Variants in PLB1 observed in about 807,000 individuals in gnomAD.
The protein encoded by PLB1 is phospholipase B1, membrane-associated.
In PLB1, 242 loss-of-function variants were observed where a neutral mutation model predicts 227.4. The observed-to-expected ratio is 1.06, with a 90% CI of 0.96 to 1.18. The LOEUF (loss-of-function observed/expected upper bound fraction) is 1.18, where lower values mean the gene tolerates loss of function less well. Ranked by LOEUF, PLB1 falls within the 50% of genes most tolerant of loss-of-function variation. The pLI, the probability that PLB1 is intolerant of heterozygous loss-of-function variation, is 0.00. For missense variants in PLB1, 1,858 were observed against 1,816.3 expected (o/e 1.02, Z -0.42); for synonymous variants, 757 against 682.2 (o/e 1.11, Z -1.71).
chr2:28,606,042 G>C (rs775155308), intron 42 of PLB1, 94 bp downstream of exon 42: 1 of 976,526 alleles, frequency 1.0e-6, no homozygotes, highest in African/African-American at 1.6e-5. Context: ...TGAGGCTGAG[G>C]GGGCAGTGGC....
chr2:28,628,642 T>A lies in PLB1; in HGVS notation c.3726+14T>A. 1 of 1,613,880 alleles carries A rather than the reference T, an allele frequency of 6.2e-7. No individual in the cohort carries two copies. The highest frequency in any genetic ancestry group is 8.5e-7 in the Non-Finnish European group (1 of 1,179,782). On this transcript the variant is annotated intron_variant, in intron 52 of 57. Transcript: ENST00000327757. ...CTCTCTGAGGAGGTAGGAGAGGGGT[T>A]ACGTGTTCCTGGGTCCCGCCAGCCA...
intron 17 of PLB1, among the ~76,000 whole-genome samples, chr2:28,561,724 C>A (rs996047719): frequency 1.3e-5 from 2 of 151,624 alleles, no homozygotes; most frequent in African/African-American, 4.9e-5. Context: ...GCTCTCTCTA[C>A]AAAAAAATAA....
At chr2:28,630,929 GC>G (rs1279659639) in intron 54 of PLB1, among the ~76,000 whole-genome samples, 10 of 152,020 alleles carry the variant, frequency 6.6e-5, no homozygotes, top group Non-Finnish European at 1.5e-4. Flanking sequence ...TTGTGGTAGG[GC>G]CCATTCCCCA....
chr2:28,625,458 C>G (rs1028817206), intron 50 of PLB1, among the ~76,000 whole-genome samples: 2 of 152,192 alleles, frequency 1.3e-5, no homozygotes, highest in African/African-American at 4.8e-5. Flanking sequence ...TCATTCCAAT[C>G]CAGTTCTGCC....
chr2:28,531,867 G>T (rs112637427), intron 8 of PLB1, among the ~76,000 whole-genome samples: 1 of 151,874 alleles, frequency 6.6e-6, no homozygotes, highest in Non-Finnish European at 1.5e-5. Flanking sequence ...GAAATAATTA[G>T]ATCCAAATAA....
intron 20 of PLB1, among the ~76,000 whole-genome samples, chr2:28,567,290 C>G (rs1379203835): frequency 6.6e-6 from 1 of 152,226 alleles, no homozygotes; most frequent in East Asian, 1.9e-4. Flanking sequence ...ATCCAGGCAC[C>G]TGGGGCGCAG....
chr2:28,606,452 A>G (rs901207119), intron 42 of PLB1, 44 bp from the exon 43 acceptor site: 1 of 1,579,490 alleles, frequency 6.3e-7, no homozygotes, highest in Non-Finnish European at 8.7e-7. Flanking sequence ...ACTTCCATGG[A>G]AACAAACTAC....
At chr2:28,604,849 A>C in intron 41 of PLB1, 90 bp downstream of exon 41, 1 of 1,197,922 alleles carries the variant, frequency 8.3e-7, no homozygotes, top group Non-Finnish European at 1.2e-6. Context: ...TGTGCATAAA[A>C]TGGGAAAGAC....
chr2:28,593,738 CG>C lies in PLB1; in HGVS notation c.2309del (p.Gly770AspfsTer15), dbSNP rs764959320. On this transcript the variant is annotated frameshift_variant, in exon 33 of 58. Transcript: ENST00000327757. LOFTEE classifies it high-confidence loss of function. ...DDLPDVTTQY[R>X]GLSYSAGGDG... ...CCTCCCCGATGTCACCACACAGTATCGGGGACTGTCATACAGGTAATGTTAA... is the reference window on the plus strand; with the variant it reads ...CCTCCCCGATGTCACCACACAGTATCGGGACTGTCATACAGGTAATGTTAA... 7 of 1,613,974 alleles carry C rather than the reference CG, an allele frequency of 4.3e-6. No homozygotes were observed. Among genetic ancestry groups the C allele is most frequent in the Non-Finnish European group, 5.9e-6 (7 of 1,179,900 alleles).
intron 15 of PLB1, among the ~76,000 whole-genome samples, chr2:28,549,566 C>A (rs1673891221): frequency 6.6e-6 from 1 of 151,908 alleles, no homozygotes; most frequent in Non-Finnish European, 1.5e-5. Context: ...CAGGCACGTG[C>A]CACCACACCC....
intron 9 of PLB1, among the ~76,000 whole-genome samples, chr2:28,533,808 C>A (rs1034664693): frequency 6.6e-6 from 1 of 152,210 alleles, no homozygotes; most frequent in African/African-American, 2.4e-5. Flanking sequence ...TTCTTGCATG[C>A]TTTCATGTAT....
rs775735958 is a variant in PLB1, at chr2:28,589,716, C to A, written c.1962C>A (p.Phe654Leu). ...ACTCTTTCTTCGCTCCTGACTGTTT[C>A]CACTTCAGCAGCAAGTCTCACTCCC... Reference protein sequence around the residue: ...PDNSFFAPDCFHFSSKSHSRA... With the variant: ...PDNSFFAPDCLHFSSKSHSRA... Residue 654 changes from phenylalanine (F) to leucine (L), a missense_variant, in exon 28 of 58, where the codon TTC becomes TTA. Transcript: ENST00000327757. 7 of 1,614,084 alleles carry A rather than the reference C, an allele frequency of 4.3e-6. No homozygotes were observed. The South Asian group carries it at 7.7e-5, about 18-fold the overall frequency.
At chr2:28,573,148 A>T (rs1194187159) in intron 20 of PLB1, 49 bp from the exon 21 acceptor site, 1 of 1,445,836 alleles carries the variant, frequency 6.9e-7, no homozygotes, top group Non-Finnish European at 9.7e-7. Flanking sequence ...AGGAATTTGA[A>T]GATTGCTTTG....
intron 33 of PLB1, chr2:28,595,466 CT>C (rs775143639): frequency 9.9e-5 from 15 of 152,078 alleles, no homozygotes; most frequent in Non-Finnish European, 1.8e-4. Context: ...AGAGAAAATC[CT>C]TTGTATCTGA....
intron 16 of PLB1, among the ~76,000 whole-genome samples, chr2:28,551,601 C>T (rs1415035984): frequency 2.6e-5 from 4 of 152,170 alleles, no homozygotes; most frequent in African/African-American, 4.8e-5. Flanking sequence ...ACACCTGAGA[C>T]GCAGCATGGC....
At chr2:28,605,537 A>C (rs1371273469) in intron 41 of PLB1, among the ~76,000 whole-genome samples, 1 of 152,148 alleles carries the variant, frequency 6.6e-6, no homozygotes, top group Admixed American at 6.5e-5. Context: ...CTGCGGGACC[A>C]GGATCCCACT....
Position 28,582,733 on chromosome 2 carries a change from G to T in PLB1, c.1733+228G>T, listed in dbSNP as rs1354836011. 2.6e-5 allele frequency among the ~76,000 whole-genome samples: 4 copies of T among 152,124 alleles called. No individual in the cohort carries two copies. The East Asian group carries it at 7.7e-4, about 29-fold the overall frequency. On this transcript the variant is annotated intron_variant, in intron 25 of 57. Coordinates refer to ENST00000327757, the MANE Select transcript of PLB1 (RefSeq NM_153021.5). ...GCATGGGGAACTACCCCTGCACCCC[G>T]CCTCTGTTGCCATGGCAGCCACAAG...
At chr2:28,519,553 T>A (rs1253351976) in intron 3 of PLB1, 152 bp from the exon 4 acceptor site, 1 of 607,212 alleles carries the variant, frequency 1.6e-6, no homozygotes, top group Non-Finnish European at 3.0e-6. Flanking sequence ...CACTGCCTGG[T>A]CTTTGGCATT....
At chr2:28,558,048 T>C (rs1221513661) in intron 17 of PLB1, among the ~76,000 whole-genome samples, 1 of 152,184 alleles carries the variant, frequency 6.6e-6, no homozygotes, top group Non-Finnish European at 1.5e-5. Context: ...TCAACCAATC[T>C]ATCAGATGAC....
Sources: allele counts gnomAD v4.1 joint callset (sites outside exome capture counted in the v4.1 genomes callset), GRCh38; gene constraint gnomAD v4.1.1; transcripts MANE v1.5; gene names NCBI Gene and HGNC (gene_info 2026-07-23, HGNC 2026-07-21).